The following APOL1 variants were observed in gnomAD, a reference collection of about 807,000 sequenced individuals.
APOL1 encodes apolipoprotein L1.
Under a neutral mutation model 14.9 loss-of-function variants are expected in APOL1, and 17 were observed. The ratio of observed to expected loss-of-function variants is 1.14; its 90% CI spans 0.78 to 1.71. APOL1 has a LOEUF of 1.71. APOL1 is among the 40% of genes most tolerant of loss of function. APOL1 has a pLI of 0.00. For synonymous variants in APOL1, 195 were observed against 184.8 expected (o/e 1.05, Z -0.45); for missense variants, 523 against 485.9 (o/e 1.08, Z -0.72).
chr22:36,258,488 C>T (rs137960483), intron 4 of APOL1, among the ~76,000 whole-genome samples: 53 of 152,280 alleles, frequency 3.5e-4, no homozygotes, highest in East Asian at 3.5e-3. Flanking sequence ...TCCCTGGTCA[C>T]GTTGGTGCCA....
At chr22:36,257,249 C>T (rs1569533828) in intron 3 of APOL1, 70 bp from the exon 4 acceptor site, 3 of 1,603,108 alleles carry the variant, frequency 1.9e-6, no homozygotes, top group Non-Finnish European at 2.6e-6. Context: ...GCCCCGGCTG[C>T]TCAAGCAAGC....
chr22:36,257,379 T>C lies in APOL1; in HGVS notation c.159T>C (p.Gly53=), dbSNP rs2015919487. 2 of 1,613,994 alleles carry C rather than the reference T, an allele frequency of 1.2e-6. No individual in the cohort carries two copies. Among genetic ancestry groups the C allele is most frequent in the African/African-American group, 2.7e-5 (2 of 74,904 alleles). Residue 53 remains glycine, a synonymous_variant, in exon 4 of 6, where the codon GGT becomes GGC. Coordinates refer to ENST00000397278, the MANE Select transcript of APOL1 (RefSeq NM_003661.4). ...GAGATCCTCAAAGTAAGCCCCTCGG[T>C]GACTGGGCTGCTGGCACCATGGACC... The part of the protein sequence containing the change: ...DTGDPQSKPL[G]DWAAGTMDPE...
rs2016264709 is a variant in APOL1 at position 36,266,454 on chromosome 22, G to T, written c.*421G>T. 4.9e-6 allele frequency: 2 copies of T among 406,870 alleles called. No individual in the cohort carries two copies. The highest frequency in any genetic ancestry group is 4.3e-6 in the Non-Finnish European group (1 of 231,354). The allele number at this position is 406,870 out of a possible 1,614,324, so 25.2% of individuals were successfully genotyped here. Reference sequence around the variant, plus strand: ...TAAAGTTTATGGAACTGAGTGTTAGGGACTTTGGCATTTCCATAGCTGAGC... The same window carrying T: ...TAAAGTTTATGGAACTGAGTGTTAGTGACTTTGGCATTTCCATAGCTGAGC... On this transcript the variant is annotated 3_prime_UTR_variant, in exon 6 of 6. Coordinates refer to ENST00000397278, the MANE Select transcript of APOL1 (RefSeq NM_003661.4).
In APOL1 at chr22:36,265,430, C is replaced by T. The variant is rs541546105; in HGVS notation, c.594C>T (p.Pro198=). The T allele has an allele frequency of 7.4e-5, 120 of 1,614,020 alleles. No individual in the cohort carries two copies. In the South Asian group the frequency reaches 1.2e-3, roughly 17 times the overall value. ...ILTLVGMGLA[P]FTEGGSLVLL... is the part of the protein sequence containing the mutation. ...CCCTCGTCGGCATGGGTCTGGCACC[C>T]TTCACAGAGGGAGGCAGCCTTGTAC... is the stretch of plus-strand genomic sequence containing the variant. Residue 198 remains proline, a synonymous_variant, in exon 6 of 6, where the codon CCC becomes CCT. Transcript: ENST00000397278.
rs746312873 is a variant in APOL1 at position 36,257,323 on chromosome 22, C to A, written c.103C>A (p.Gln35Lys). The change falls in exon 4 of 6, where the codon CAA (glutamine) becomes AAA (lysine). Residue 35 changes from glutamine (Q) to lysine (K), a missense_variant. Gln to Lys is a moderately conservative substitution (Grantham distance 53, BLOSUM62 1). Transcript: ENST00000397278. Reference protein sequence around the residue: ...VRAEEAGARVQQNVPSGTDTG... With the variant: ...VRAEEAGARVKQNVPSGTDTG... ...ATTTGTTTTCTCCTCCTCAAGGGTG[C>A]AACAAAACGTTCCAAGTGGGACAGA... 14 of 1,613,976 alleles carry A rather than the reference C, an allele frequency of 8.7e-6. No homozygotes were observed. Among genetic ancestry groups the A allele is most frequent in the Non-Finnish European group, 1.2e-5 (14 of 1,179,944 alleles).
Position 36,265,775 on chromosome 22 carries a change from AAGCGGTGAAC to A in APOL1, c.942_951del (p.Ser314ArgfsTer13). The A allele has an allele frequency of 6.2e-7, 1 of 1,614,190 alleles. No homozygotes were observed. Among genetic ancestry groups the A allele is most frequent in the Non-Finnish European group, 8.5e-7 (1 of 1,180,038 alleles). On this transcript the variant is annotated frameshift_variant, in exon 6 of 6. Coordinates refer to ENST00000397278, the MANE Select transcript of APOL1 (RefSeq NM_003661.4). LOFTEE classifies it low-confidence loss of function (END_TRUNC). ...GGGTCACTGAGCCAATCTCAGCTGA[AAGCGGTGAAC>A]AGGTGGAGAGGGTTAATGAACCCAG...
chr22:36,261,524 C>G lies in APOL1; in HGVS notation c.188-72C>G, dbSNP rs530931169. ...CTGTCCAGGAAAATTAACATGTAGT[C>G]ATCTCTTATGCAATGGCTGTTATGC... is the stretch of plus-strand genomic sequence containing the variant. On this transcript the variant is annotated intron_variant, in intron 4 of 5. Transcript: ENST00000397278. 11 of 1,474,064 alleles carry G rather than the reference C, an allele frequency of 7.5e-6. 1 individual carries two copies. The East Asian group carries it at 2.5e-4, about 34-fold the overall frequency. The allele number at this position is 1,474,064 out of a possible 1,614,324, so 91.3% of individuals were successfully genotyped here. A position where few individuals can be genotyped will look rare whatever the true frequency, so the allele number is the denominator to read the frequency against.
Position 36,265,386 on chromosome 22 carries a change from A to G in APOL1, c.550A>G (p.Ile184Val). The change falls in exon 6 of 6, where the codon ATT (isoleucine) becomes GTT (valine). Residue 184 changes from isoleucine (I) to valine (V), a missense_variant. Coordinates refer to ENST00000397278, the MANE Select transcript of APOL1 (RefSeq NM_003661.4). ...IANVVSGSLS[I>V]SSGILTLVGM... The stretch of plus-strand genomic sequence containing the variant: ...CAATGTGGTGTCTGGCTCTCTCAGC[A>G]TTTCCTCTGGCATCCTGACCCTCGT... 1 of 1,613,260 alleles carries G rather than the reference A, an allele frequency of 6.2e-7. No homozygotes were observed.
Position 36,261,678 on chromosome 22 carries a change from T to C in APOL1, c.270T>C (p.Asp90=). The C allele has an allele frequency of 6.2e-7, 1 of 1,614,174 alleles. No homozygotes were observed. Among genetic ancestry groups the C allele is most frequent in the Non-Finnish European group, 8.5e-7 (1 of 1,180,002 alleles). ...AGAATCTGCTACTCCTGCTGACTGA[T>C]AATGAGGCCTGGAACGGATTCGTGG... ...STQNLLLLLT[D]NEAWNGFVAA... is the part of the protein sequence containing the mutation. Residue 90 remains aspartate (D), a synonymous_variant, in exon 5 of 6, where the codon GAT becomes GAC. Coordinates refer to ENST00000397278, the MANE Select transcript of APOL1 (RefSeq NM_003661.4).
In APOL1 at chr22:36,261,672, G is replaced by A; in HGVS notation, c.264G>A (p.Leu88=). 1.2e-6 allele frequency: 2 copies of A among 1,614,128 alleles called. No homozygotes were observed. The highest frequency in any genetic ancestry group is 2.7e-5 in the African/African-American group (2 of 75,032). The change falls in exon 5 of 6, where the codon CTG becomes CTA. Residue 88 remains leucine (L), a synonymous_variant. Coordinates refer to ENST00000397278, the MANE Select transcript of APOL1 (RefSeq NM_003661.4). The part of the protein sequence containing the change: ...KVSTQNLLLL[L]TDNEAWNGFV... ...GCACACAGAATCTGCTACTCCTGCT[G>A]ACTGATAATGAGGCCTGGAACGGAT...
chr22:36,264,810 CTT>C (rs368899919), intron 5 of APOL1, among the ~76,000 whole-genome samples: 51 of 120,410 alleles, frequency 4.2e-4, no homozygotes, highest in Non-Finnish European at 5.9e-4. Flanking sequence ...AACTGCATTT[CTT>C]TTTTTTTTTT....
At chr22:36,255,674 G>A (rs1334352483) in intron 2 of APOL1, among the ~76,000 whole-genome samples, 1 of 150,024 alleles carries the variant, frequency 6.7e-6, no homozygotes, top group East Asian at 1.9e-4. Context: ...CTGGAGGATG[G>A]AACCCCATCA....
At position 36,265,556 on chromosome 22, in the gene APOL1, C is replaced by CCACG; in HGVS notation, c.721_724dup (p.Asp242AlafsTer9). The CCACG allele has an allele frequency of 6.2e-7, 1 of 1,603,906 alleles. No individual in the cohort carries two copies. On this transcript the variant is annotated frameshift_variant, in exon 6 of 6. Transcript: ENST00000397278. LOFTEE classifies it low-confidence loss of function (END_TRUNC). ...AGAAGTGGTGGACACAAGCCCAAGC[C>CCACG]CACGACCTGGTCATCAAAAGCCTTG...
intron 4 of APOL1, 124 bp from the exon 5 acceptor site, chr22:36,261,472 C>T: frequency 9.3e-7 from 1 of 1,070,480 alleles, no homozygotes; most frequent in Non-Finnish European, 1.4e-6. Context: ...GCACTAATGA[C>T]TCCATAAAAC....
At position 36,266,904 on chromosome 22, in the gene APOL1, CA is replaced by C. The variant is rs11321251; in HGVS notation, c.*888del. 22,711 of 83,056 alleles carry C rather than the reference CA, an allele frequency of 0.27. 1,455 individuals carry two copies. The highest frequency in any genetic ancestry group is 0.37 in the Middle Eastern group (58 of 158). 5.1% of individuals were successfully genotyped at this position (83,056 alleles called of 1,614,324 possible). A position where few individuals can be genotyped will look rare whatever the true frequency, so the allele number is the denominator to read the frequency against. Reference sequence around the variant, plus strand: ...TGGGTGACAGAGCGAGACTCCATCTCAAAAAAAAAAAAAAAAAGAATATATT... The same window carrying C: ...TGGGTGACAGAGCGAGACTCCATCTCAAAAAAAAAAAAAAAAGAATATATT... On this transcript the variant is annotated 3_prime_UTR_variant, in exon 6 of 6. Transcript: ENST00000397278.
intron 2 of APOL1, among the ~76,000 whole-genome samples, chr22:36,255,291 G>A (rs532322214): frequency 6.6e-5 from 10 of 152,314 alleles, no homozygotes; most frequent in African/African-American, 9.6e-5. Context: ...CACAAGTGTC[G>A]GGGGAATCCG....
At chr22:36,260,548 C>T (rs2016044923) in intron 4 of APOL1, among the ~76,000 whole-genome samples, 1 of 152,232 alleles carries the variant, frequency 6.6e-6, no homozygotes. Context: ...TTGGTGGCAG[C>T]TGACTTCAGG....
In APOL1 at chr22:36,265,190, T is replaced by C. The variant is rs2016196751; in HGVS notation, c.354T>C (p.Leu118=). ...AGCTCCGTAAAGCTCTGGACAACCT[T>C]GCAAGACAAATGATCATGAAAGACA... ...ADELRKALDN[L]ARQMIMKDKN... The change falls in exon 6 of 6, where the codon CTT becomes CTC. Residue 118 remains leucine, a synonymous_variant. Coordinates refer to ENST00000397278, the MANE Select transcript of APOL1 (RefSeq NM_003661.4). 3 of 1,614,154 alleles carry C rather than the reference T, an allele frequency of 1.9e-6. No individual in the cohort carries two copies. In the South Asian group the frequency reaches 3.3e-5, roughly 18 times the overall value.
Position 36,265,895 on chromosome 22 carries a change from G to A in APOL1, c.1059G>A (p.Val353=). The change falls in exon 6 of 6, where the codon GTG becomes GTA. Residue 353 remains valine (V), a synonymous_variant. Coordinates refer to ENST00000397278, the MANE Select transcript of APOL1 (RefSeq NM_003661.4). ...TTGTGCTGGATGTAGTCTACCTCGT[G>A]TACGAATCAAAGCACTTACATGAGG... The part of the protein sequence containing the change: ...FFLVLDVVYL[V]YESKHLHEGA... 1.2e-6 allele frequency: 2 copies of A among 1,614,174 alleles called. No individual in the cohort carries two copies.
Sources: gnomAD v4.1 joint callset for allele counts (sites outside exome capture counted in the v4.1 genomes callset) on GRCh38, gnomAD v4.1.1 for gene constraint, MANE v1.5 for transcripts, NCBI Gene and HGNC (gene_info 2026-07-23, HGNC 2026-07-21) for gene names.